Variants in CYP20A1 observed in about 807,000 individuals in gnomAD.
The protein encoded by CYP20A1 is cytochrome P450 20A1.
In CYP20A1, 61 loss-of-function variants were observed where a neutral mutation model predicts 61.4. The observed-to-expected ratio is 0.99, with a 90% CI of 0.81 to 1.23. The LOEUF (loss-of-function observed/expected upper bound fraction) is 1.23. CYP20A1 is among the 50% of genes most tolerant of loss of function. CYP20A1 has a pLI of 0.00. For missense variants in CYP20A1, 530 were observed against 542.4 expected (o/e 0.98, Z 0.23); for synonymous variants, 193 against 188.2 (o/e 1.03, Z -0.21).
intron 7 of CYP20A1, 37 bp from the exon 8 acceptor site, chr2:203,280,022 A>G (rs548598480): frequency 6.5e-7 from 1 of 1,527,580 alleles, no homozygotes; most frequent in Non-Finnish European, 9.0e-7. Flanking sequence ...GCTACCTTAC[A>G]TTTTTCACAC....
At position 203,303,262 on chromosome 2, in the gene CYP20A1, C is replaced by T. The variant is rs535022654; in HGVS notation, c.*6354C>T. Among the ~76,000 whole-genome samples the T allele has an allele frequency of 4.0e-5, 6 of 151,394 alleles. No individual in the cohort carries two copies. The highest frequency in any genetic ancestry group is 7.4e-5 in the Non-Finnish European group (5 of 67,918). ...TCAGGTGATTCACACCCCTTGGCCT[C>T]CTGAAGTGCTGGGATTACAGGCATG... On this transcript the variant is annotated 3_prime_UTR_variant, in exon 13 of 13. Coordinates refer to ENST00000356079, the MANE Select transcript of CYP20A1 (RefSeq NM_177538.3).
intron 4 of CYP20A1, among the ~76,000 whole-genome samples, chr2:203,266,030 TTC>T (rs1467810740): frequency 6.6e-6 from 1 of 152,160 alleles, no homozygotes; most frequent in Non-Finnish European, 1.5e-5. Context: ...TCTGTTTTTA[TTC>T]CATAGGTATT....
At chr2:203,284,241 G>A (rs1057348480) in intron 8 of CYP20A1, among the ~76,000 whole-genome samples, 2 of 152,080 alleles carry the variant, frequency 1.3e-5, no homozygotes, top group Non-Finnish European at 2.9e-5. Flanking sequence ...AACCCTTAGC[G>A]CAGGAAAGAG....
chr2:203,250,916 T>G (rs559621683), intron 3 of CYP20A1, among the ~76,000 whole-genome samples: 37 of 151,690 alleles, frequency 2.4e-4, no homozygotes, highest in African/African-American at 8.7e-4. Flanking sequence ...TACAAAAAAT[T>G]AGCCGGGCAT....
Position 203,297,017 on chromosome 2 carries a change from C to A in CYP20A1, c.*109C>A. ...CCAGTATCACTTTGTAATATAAACA[C>A]CTATTTGTACTTAATTTTGTAAATT... On this transcript the variant is annotated 3_prime_UTR_variant, in exon 13 of 13. Transcript: ENST00000356079. 1.6e-6 allele frequency: 1 copy of A among 610,846 alleles called. No individual in the cohort carries two copies. Among genetic ancestry groups the A allele is most frequent in the Non-Finnish European group, 2.7e-6 (1 of 365,750 alleles). The allele number at this position is 610,846 out of a possible 1,614,324, so 37.8% of individuals were successfully genotyped here.
chr2:203,242,944 C>G (rs1373159259), intron 1 of CYP20A1, among the ~76,000 whole-genome samples: 3 of 152,138 alleles, frequency 2.0e-5, no homozygotes, highest in East Asian at 1.9e-4. Flanking sequence ...GCCCCTGAAC[C>G]CACACAGCTG....
chr2:203,265,122 T>G (rs1048476678), intron 4 of CYP20A1, among the ~76,000 whole-genome samples: 1 of 152,222 alleles, frequency 6.6e-6, no homozygotes, highest in African/African-American at 2.4e-5. Flanking sequence ...ATTTTAATAT[T>G]TGTTTAGAGT....
rs944595724 is a variant in CYP20A1 at position 203,301,632 on chromosome 2, C to A, written c.*4724C>A. ...AAACTTGTGCTAACAAAATTTAAGGCAATATTAATTCTGTGCATGTGTTTG... is the reference window on the plus strand; with the variant it reads ...AAACTTGTGCTAACAAAATTTAAGGAAATATTAATTCTGTGCATGTGTTTG... On this transcript the variant is annotated 3_prime_UTR_variant, in exon 13 of 13. Transcript: ENST00000356079. Among the ~76,000 whole-genome samples, 11 of 151,842 alleles carry A rather than the reference C, an allele frequency of 7.2e-5. No individual in the cohort carries two copies. The highest frequency in any genetic ancestry group is 2.7e-4 in the African/African-American group (11 of 41,334).
chr2:203,266,649 G>A lies in CYP20A1; in HGVS notation c.568G>A (p.Glu190Lys). 1 of 1,613,962 alleles carries A rather than the reference G, an allele frequency of 6.2e-7. No individual in the cohort carries two copies. Among genetic ancestry groups the A allele is most frequent in the Non-Finnish European group, 8.5e-7 (1 of 1,179,936 alleles). Residue 190 changes from glutamate (E) to lysine (K), a missense_variant, in exon 5 of 13, where the codon GAA (glutamate) becomes AAA (lysine). Physicochemically the swap from Glu to Lys is moderately conservative, Grantham distance 56. Coordinates refer to ENST00000356079, the MANE Select transcript of CYP20A1 (RefSeq NM_177538.3). ...VMGSTFEDDQ[E>K]VIRFQKNHGT... ...GGGTAGTACATTTGAAGATGATCAGGAAGTCATTCGCTTCCAGAAGAATCA... is the reference window on the plus strand; with the variant it reads ...GGGTAGTACATTTGAAGATGATCAGAAAGTCATTCGCTTCCAGAAGAATCA...
intron 5 of CYP20A1, among the ~76,000 whole-genome samples, chr2:203,268,842 A>G (rs55939578): frequency 0.11 from 17,019 of 152,126 alleles, 1,277 homozygotes; most frequent in Middle Eastern, 0.25. Context: ...AATGTCTGAA[A>G]TACCAAGGGA....
intron 8 of CYP20A1, among the ~76,000 whole-genome samples, chr2:203,283,864 G>A (rs2068151964): frequency 6.6e-6 from 1 of 152,056 alleles, no homozygotes; most frequent in South Asian, 2.1e-4. Context: ...TTAATTTTAA[G>A]TGATAATATA....
At chr2:203,288,049 A>T (rs946839013) in intron 9 of CYP20A1, among the ~76,000 whole-genome samples, 528 of 14,270 alleles carry the variant, frequency 0.037, no homozygotes, top group Admixed American at 0.054. Flanking sequence ...GCCTGTGTTT[A>T]TTTCTCTCTC....
intron 8 of CYP20A1, among the ~76,000 whole-genome samples, chr2:203,283,234 T>TTG (rs2068117164): frequency 6.8e-6 from 1 of 146,852 alleles, no homozygotes; most frequent in Admixed American, 6.8e-5. Flanking sequence ...TTTTTTTTTT[T>TTG]GAGGCAGAGT....
intron 8 of CYP20A1, 120 bp from the exon 9 acceptor site, chr2:203,285,492 A>G: frequency 1.8e-6 from 2 of 1,136,536 alleles, no homozygotes; most frequent in South Asian, 2.2e-5. Context: ...TATCTTCTAT[A>G]TCATGGGAGA....
intron 1 of CYP20A1, among the ~76,000 whole-genome samples, chr2:203,243,229 C>T (rs555398102): frequency 9.9e-5 from 15 of 152,124 alleles, no homozygotes; most frequent in African/African-American, 3.6e-4. Flanking sequence ...CTGCAACCTT[C>T]ACCTTCCGGG....
At chr2:203,244,975 G>A (rs2066407827) in intron 1 of CYP20A1, among the ~76,000 whole-genome samples, 1 of 149,908 alleles carries the variant, frequency 6.7e-6, no homozygotes, top group African/African-American at 2.5e-5. Context: ...CTCGTGATCC[G>A]CCTGCCTCGG....
chr2:203,239,233 G>A, intron 1 of CYP20A1, 99 bp downstream of exon 1: 2 of 1,031,676 alleles, frequency 1.9e-6, no homozygotes, highest in African/African-American at 1.6e-5. Context: ...GCAGGGGGCG[G>A]GCCTGAGAGG....
At chr2:203,284,808 C>T (rs1262998171) in intron 8 of CYP20A1, among the ~76,000 whole-genome samples, 2 of 144,856 alleles carry the variant, frequency 1.4e-5, no homozygotes, top group African/African-American at 2.6e-5. Flanking sequence ...TGCAGTGGCA[C>T]GGTCACAGCT....
intron 2 of CYP20A1, among the ~76,000 whole-genome samples, chr2:203,246,499 C>T (rs2066462951): frequency 6.6e-6 from 1 of 152,126 alleles, no homozygotes; most frequent in African/African-American, 2.4e-5. Flanking sequence ...GTATCTAAGT[C>T]GGATGTTCCT....
Sources: allele counts gnomAD v4.1 joint callset (sites outside exome capture counted in the v4.1 genomes callset), GRCh38; gene constraint gnomAD v4.1.1; transcripts MANE v1.5; gene names NCBI Gene and HGNC (gene_info 2026-07-23, HGNC 2026-07-21).